Variants in FAM151B observed in about 807,000 individuals in gnomAD.
FAM151B encodes family with sequence similarity 151 member B.
In FAM151B, 24 loss-of-function variants were observed where a neutral mutation model predicts 31.2. The observed-to-expected ratio is 0.77, with a 90% CI of 0.56 to 1.08. The LOEUF is 1.08. FAM151B is among the 50% of genes least tolerant of loss of function. The pLI is 0.00. For missense variants in FAM151B, 293 were observed against 328.6 expected (o/e 0.89, Z 0.84); for synonymous variants, 105 against 111.4 (o/e 0.94, Z 0.36).
intron 5 of FAM151B, among the ~76,000 whole-genome samples, chr5:80,524,095 T>G (rs1744844020): frequency 6.6e-6 from 1 of 152,126 alleles, no homozygotes; most frequent in African/African-American, 2.4e-5. Flanking sequence ...AATTAAAATT[T>G]TCAGTTCTCA....
At chr5:80,496,877 C>T (rs1005463787) in intron 1 of FAM151B, among the ~76,000 whole-genome samples, 1 of 121,264 alleles carries the variant, frequency 8.2e-6, no homozygotes, top group Non-Finnish European at 1.6e-5. Flanking sequence ...GTGGTGTGAT[C>T]TTGGCTCACT....
At chr5:80,501,668 CTATCTA>C in intron 1 of FAM151B, 118 bp from the exon 2 acceptor site, 12 of 600,322 alleles carry the variant, frequency 2.0e-5, no homozygotes, top group South Asian at 1.4e-4. Context: ...ATCTATCTAT[CTATCTA>C]TATATATATA....
chr5:80,504,381 TC>T (rs1743867007), intron 2 of FAM151B, among the ~76,000 whole-genome samples: 1 of 152,066 alleles, frequency 6.6e-6, no homozygotes, highest in African/African-American at 2.4e-5. Flanking sequence ...CTGCTGTAGT[TC>T]CCCCTTTTTT....
intron 2 of FAM151B, among the ~76,000 whole-genome samples, chr5:80,504,750 T>C (rs182936279): frequency 1.8e-3 from 272 of 152,144 alleles, no homozygotes; most frequent in Non-Finnish European, 2.7e-3. Flanking sequence ...CATCTCCTGA[T>C]CTCCTGATCT....
chr5:80,540,069 G>A (rs562447746), intron 5 of FAM151B, among the ~76,000 whole-genome samples: 17 of 152,218 alleles, frequency 1.1e-4, no homozygotes, highest in African/African-American at 3.4e-4. Context: ...GGAAGTCAGC[G>A]TTGATACAAC....
intron 2 of FAM151B, among the ~76,000 whole-genome samples, chr5:80,508,622 G>A (rs1744070631): frequency 6.6e-6 from 1 of 152,006 alleles, no homozygotes; most frequent in Admixed American, 6.6e-5. Flanking sequence ...TAGAAATTTG[G>A]GAGCCCACAG....
chr5:80,521,097 A>T (rs572208272), intron 4 of FAM151B, among the ~76,000 whole-genome samples: 2 of 141,268 alleles, frequency 1.4e-5, no homozygotes, highest in South Asian at 4.5e-4. Context: ...GATTACAGGC[A>T]TGAGCCACTG....
At chr5:80,530,968 G>GGGCGAAGGATATGAACAGA (rs1745216436) in intron 5 of FAM151B, among the ~76,000 whole-genome samples, 1 of 152,122 alleles carries the variant, frequency 6.6e-6, no homozygotes, top group Non-Finnish European at 1.5e-5. Flanking sequence ...GAGGCATCAT[G>GGGCGAAGGATATGAACAGA]CTACCTGACT....
intron 5 of FAM151B, among the ~76,000 whole-genome samples, chr5:80,539,539 T>G (rs1334563864): frequency 6.6e-6 from 1 of 152,238 alleles, no homozygotes; most frequent in Non-Finnish European, 1.5e-5. Context: ...TAGCCCAAGC[T>G]GGAGTGCAGT....
rs1029444943 is a variant in FAM151B, at chr5:80,488,123, C to T, written c.-1C>T. The T allele has an allele frequency of 1.2e-5, 19 of 1,542,606 alleles. No individual in the cohort carries two copies. Among genetic ancestry groups the T allele is most frequent in the African/African-American group, 4.1e-5 (3 of 72,698 alleles). On this transcript the variant is annotated 5_prime_UTR_variant, in exon 1 of 6. Transcript: ENST00000282226. ...CTGCGCGGACGGCGGGCGTCGTCAC[C>T]ATGGCAGCATCCGCTGGAGGCCCAG...
chr5:80,514,256 A>G (rs543462593), intron 3 of FAM151B, among the ~76,000 whole-genome samples: 14 of 152,002 alleles, frequency 9.2e-5, no homozygotes, highest in South Asian at 4.2e-4. Context: ...GGGCGAATCA[A>G]CCGAGGTCAG....
chr5:80,541,087 A>C (rs1336041780), intron 5 of FAM151B, among the ~76,000 whole-genome samples: 1 of 152,260 alleles, frequency 6.6e-6, no homozygotes, highest in African/African-American at 2.4e-5. Context: ...ATATTCTTAC[A>C]TCTATAATGA....
chr5:80,511,266 G>A (rs181363817), intron 2 of FAM151B, among the ~76,000 whole-genome samples: 2 of 152,060 alleles, frequency 1.3e-5, no homozygotes, highest in Admixed American at 1.3e-4. Context: ...GAGTCCAGGA[G>A]TTTGAGACCA....
chr5:80,522,251 A>G (rs1580442627), intron 5 of FAM151B, 113 bp downstream of exon 5: 2 of 1,172,996 alleles, frequency 1.7e-6, no homozygotes, highest in Non-Finnish European at 2.4e-6. Context: ...GTAGACAGAA[A>G]AGGAATGAAA....
chr5:80,505,154 CTT>C (rs1743903520), intron 2 of FAM151B, among the ~76,000 whole-genome samples: 1 of 152,134 alleles, frequency 6.6e-6, no homozygotes, highest in Non-Finnish European at 1.5e-5. Flanking sequence ...GTATAAAACT[CTT>C]TGATTGGTCT....
intron 1 of FAM151B, among the ~76,000 whole-genome samples, chr5:80,494,074 A>G (rs1364235730): frequency 6.6e-6 from 1 of 152,204 alleles, no homozygotes; most frequent in Non-Finnish European, 1.5e-5. Flanking sequence ...GGAAAATAGA[A>G]AAGAACGTAC....
At chr5:80,504,386 CT>C (rs1317549465) in intron 2 of FAM151B, among the ~76,000 whole-genome samples, 3 of 151,888 alleles carry the variant, frequency 2.0e-5, no homozygotes, top group East Asian at 1.9e-4. Flanking sequence ...GTAGTTCCCC[CT>C]TTTTTTTCAT....
intron 2 of FAM151B, chr5:80,506,205 T>A: frequency 1.4e-6 from 1 of 721,880 alleles, no homozygotes; most frequent in Non-Finnish European, 1.7e-6. Context: ...GGTGGGCAAG[T>A]GATCAAACTG....
chr5:80,509,349 G>T (rs1163927876), intron 2 of FAM151B, among the ~76,000 whole-genome samples: 1 of 152,078 alleles, frequency 6.6e-6, no homozygotes, highest in Non-Finnish European at 1.5e-5. Flanking sequence ...CACCTTCATG[G>T]GTGGGTTTAA....
Sources: gnomAD v4.1 joint callset for allele counts (sites outside exome capture counted in the v4.1 genomes callset) on GRCh38, gnomAD v4.1.1 for gene constraint, MANE v1.5 for transcripts, NCBI Gene and HGNC (gene_info 2026-07-23, HGNC 2026-07-21) for gene names.